Variants in MEOX2 observed in about 807,000 individuals in gnomAD.
The protein encoded by MEOX2 is mesenchyme homeobox 2.
In MEOX2, 11 loss-of-function variants were observed where a neutral mutation model predicts 27.0. The ratio of observed to expected loss-of-function variants is 0.41; its 90% CI spans 0.26 to 0.68. The LOEUF (loss-of-function observed/expected upper bound fraction) is 0.68. MEOX2 is among the 30% of genes least tolerant of loss of function. The pLI, the probability that MEOX2 is intolerant of heterozygous loss-of-function variation, is 0.33. For missense variants in MEOX2, 436 were observed against 385.4 expected, an observed-to-expected ratio of 1.13 and a Z score of -1.10; for synonymous variants, 189 against 155.4, an observed-to-expected ratio of 1.22 and a Z score of -1.61.
At chr7:15,675,742 C>G (rs1228552245) in intron 1 of MEOX2, among the ~76,000 whole-genome samples, 1 of 152,138 alleles carries the variant, frequency 6.6e-6, no homozygotes, top group Non-Finnish European at 1.5e-5. Flanking sequence ...ACAAATCAAG[C>G]CTCCTCTAAA....
At position 15,685,896 on chromosome 7, in the gene MEOX2, G is replaced by T; in HGVS notation, c.507C>A (p.Ser169Arg). ...AEKRSGGKRK[S>R]DSSDSQEGNY... ...CTGGCGCGCCCTTACCTGAGCTGTC[G>T]CTTTTCCTCTTGCCGCCGCTTCGCT... The change falls in exon 1 of 3, where the codon AGC (serine) becomes AGA (arginine). Residue 169 changes from serine (S) to arginine (R), a missense_variant. By Grantham distance (110) the Ser-to-Arg change is moderately radical. Coordinates refer to ENST00000262041, the MANE Select transcript of MEOX2 (RefSeq NM_005924.5). 5.0e-6 allele frequency: 8 copies of T among 1,600,826 alleles called. No individual in the cohort carries two copies. The South Asian group carries it at 9.0e-5, about 18-fold the overall frequency.
chr7:15,642,915 C>T (rs961985949), intron 1 of MEOX2, among the ~76,000 whole-genome samples: 3 of 151,998 alleles, frequency 2.0e-5, no homozygotes, highest in African/African-American at 4.8e-5. Flanking sequence ...TTTTCTTAAG[C>T]GCTATTTGTT....
In MEOX2 at chr7:15,612,204, G is replaced by A; in HGVS notation, c.*183C>T. On this transcript the variant is annotated 3_prime_UTR_variant, in exon 3 of 3. Coordinates refer to ENST00000262041, the MANE Select transcript of MEOX2 (RefSeq NM_005924.5). ...CACCTTCTCCATCTTCACTGTGGAA[G>A]CTCTTTAATAAGTGGCACTTTGTGT... is the stretch of plus-strand genomic sequence containing the variant. 1 of 606,240 alleles carries A rather than the reference G, an allele frequency of 1.6e-6. No individual in the cohort carries two copies. Among genetic ancestry groups the A allele is most frequent in the East Asian group, 2.8e-5 (1 of 36,274 alleles). 37.6% of individuals were successfully genotyped at this position (606,240 alleles called of 1,614,324 possible).
At position 15,686,438 on chromosome 7, in the gene MEOX2, ACGG is replaced by A. The variant is rs1186013113; in HGVS notation, c.-39_-37del. ...TTTCGGGTTCCAGGCAGAAGACTTCACGGCGGTTCCAAAGGCCACCACCCTCTG... is the reference window on the plus strand; with the variant it reads ...TTTCGGGTTCCAGGCAGAAGACTTCACGGTTCCAAAGGCCACCACCCTCTG... On this transcript the variant is annotated 5_prime_UTR_variant, in exon 1 of 3. Coordinates refer to ENST00000262041, the MANE Select transcript of MEOX2 (RefSeq NM_005924.5). 6.5e-7 allele frequency: 1 copy of A among 1,535,128 alleles called. No individual in the cohort carries two copies. Among genetic ancestry groups the A allele is most frequent in the South Asian group, 1.2e-5 (1 of 82,168 alleles).
At position 15,682,948 on chromosome 7, in the gene MEOX2, T is replaced by G. The variant is rs180881892; in HGVS notation, c.517+2938A>C. ...ATAATGGTGTGTTTTTCTATTAAAT[T>G]TGGTTATTTTCAATTGTCAATAAAC... On this transcript the variant is annotated intron_variant, in intron 1 of 2. Coordinates refer to ENST00000262041, the MANE Select transcript of MEOX2 (RefSeq NM_005924.5). Among the ~76,000 whole-genome samples the G allele has an allele frequency of 2.6e-5, 4 of 152,090 alleles. No individual in the cohort carries two copies. In the East Asian group the frequency reaches 7.7e-4, roughly 29 times the overall value.
intron 1 of MEOX2, among the ~76,000 whole-genome samples, chr7:15,666,574 A>G (rs1027996189): frequency 1.3e-5 from 2 of 151,450 alleles, no homozygotes; most frequent in African/African-American, 4.9e-5. Flanking sequence ...CAACACGGTG[A>G]AACCCTGTCT....
intron 2 of MEOX2, among the ~76,000 whole-genome samples, chr7:15,623,271 T>G (rs1456991435): frequency 6.6e-6 from 1 of 152,208 alleles, no homozygotes; most frequent in African/African-American, 2.4e-5. Flanking sequence ...AATAGCAAAG[T>G]TGACAACTGA....
At chr7:15,682,047 A>T (rs990583163) in intron 1 of MEOX2, 21 of 151,918 alleles carry the variant, frequency 1.4e-4, no homozygotes, top group African/African-American at 5.1e-4. Context: ...ATGTAGGTCA[A>T]TGATACTTAG....
chr7:15,672,879 G>T (rs183681662), intron 1 of MEOX2, among the ~76,000 whole-genome samples: 1 of 148,742 alleles, frequency 6.7e-6, no homozygotes, highest in African/African-American at 2.5e-5. Context: ...GCAACAGAGC[G>T]AGATTCTGTC....
intron 1 of MEOX2, among the ~76,000 whole-genome samples, chr7:15,649,203 C>T (rs1052312041): frequency 2.0e-5 from 3 of 152,034 alleles, no homozygotes; most frequent in African/African-American, 7.2e-5. Flanking sequence ...ATGAATTCCA[C>T]TCAACAAATA....
chr7:15,668,810 A>G (rs1051909460), intron 1 of MEOX2, among the ~76,000 whole-genome samples: 9 of 152,144 alleles, frequency 5.9e-5, no homozygotes, highest in African/African-American at 2.2e-4. Context: ...AAAGTTATAC[A>G]TGGATTTTCA....
chr7:15,641,230 C>A (rs186237388), intron 1 of MEOX2, among the ~76,000 whole-genome samples: 16 of 152,186 alleles, frequency 1.1e-4, no homozygotes, highest in African/African-American at 3.6e-4. Context: ...ATTTCAATGT[C>A]TTCCTGGTTC....
intron 1 of MEOX2, among the ~76,000 whole-genome samples, chr7:15,641,609 T>C (rs561281215): frequency 2.0e-5 from 3 of 152,178 alleles, no homozygotes; most frequent in Non-Finnish European, 4.4e-5. Flanking sequence ...TTAGGCTATT[T>C]ACAATCAAGG....
intron 1 of MEOX2, chr7:15,668,143 C>T (rs1782037986): frequency 6.6e-6 from 1 of 152,184 alleles, no homozygotes; most frequent in African/African-American, 2.4e-5. Flanking sequence ...GGGGTGGAAA[C>T]TGTGTAGGTC....
chr7:15,664,876 T>C (rs1781974811), intron 1 of MEOX2, among the ~76,000 whole-genome samples: 1 of 152,172 alleles, frequency 6.6e-6, no homozygotes, highest in South Asian at 2.1e-4. Context: ...ACTCCTTCTG[T>C]TGCATCTCAT....
chr7:15,660,720 T>C (rs1781898905), intron 1 of MEOX2, among the ~76,000 whole-genome samples: 1 of 152,028 alleles, frequency 6.6e-6, no homozygotes, highest in Non-Finnish European at 1.5e-5. Context: ...CGGTCACCAT[T>C]GCTTTAAAAA....
rs114508403 is a variant in MEOX2, at chr7:15,673,672, C to G, written c.517+12214G>C. Among the ~76,000 whole-genome samples, 1,042 of 147,188 alleles carry G rather than the reference C, an allele frequency of 7.1e-3. 15 individuals are homozygous for G. The highest frequency in any genetic ancestry group is 0.024 in the African/African-American group (974 of 39,970). ...ATCAACAAAAACGGTCCTAGCTGGT[C>G]AATAAAGGTTGTACCGATTAAGATG... On this transcript the variant is annotated intron_variant, in intron 1 of 2. Coordinates refer to ENST00000262041, the MANE Select transcript of MEOX2 (RefSeq NM_005924.5).
intron 2 of MEOX2, among the ~76,000 whole-genome samples, chr7:15,622,340 A>G (rs368355308): frequency 2.7e-4 from 41 of 152,220 alleles, no homozygotes; most frequent in African/African-American, 9.9e-4. Context: ...AAATGAGCCT[A>G]TGAGTCCTGT....
At position 15,611,361 on chromosome 7, in the gene MEOX2, G is replaced by C. The variant is rs903509265; in HGVS notation, c.*1026C>G. 6.6e-6 allele frequency: 1 copy of C among 152,432 alleles called. No individual in the cohort carries two copies. The highest frequency in any genetic ancestry group is 2.4e-5 in the African/African-American group (1 of 41,432). 9.4% of individuals were successfully genotyped at this position (152,432 alleles called of 1,614,324 possible). On this transcript the variant is annotated 3_prime_UTR_variant, in exon 3 of 3. Coordinates refer to ENST00000262041, the MANE Select transcript of MEOX2 (RefSeq NM_005924.5). ...AGAATTTTGTTTTCTATCAACTTGA[G>C]CAACCAGTTTCGCTTTGCACCTTGT...
Sources: gnomAD v4.1 joint callset for allele counts (sites outside exome capture counted in the v4.1 genomes callset) on GRCh38, gnomAD v4.1.1 for gene constraint, MANE v1.5 for transcripts, NCBI Gene and HGNC (gene_info 2026-07-23, HGNC 2026-07-21) for gene names.